Variants in CPED1 observed in about 807,000 individuals in gnomAD.
CPED1 encodes the protein cadherin-like and PC-esterase domain-containing protein 1.
A neutral mutation model predicts 128.2 loss-of-function variants in CPED1; 114 were observed. That is an observed-to-expected ratio of 0.89 (90% CI 0.76 to 1.04). The LOEUF (loss-of-function observed/expected upper bound fraction) is 1.04. Among genes scored for constraint, CPED1 ranks in the 50% least tolerant of loss-of-function variants. The pLI is 0.00. For missense variants in CPED1, 1,211 were observed against 1,207.1 expected, an observed-to-expected ratio of 1.00 and a Z score of -0.05; for synonymous variants, 462 against 426.7, an observed-to-expected ratio of 1.08 and a Z score of -1.02.
At chr7:121,146,111 A>C (rs1563044607) in intron 16 of CPED1, among the ~76,000 whole-genome samples, 1 of 152,084 alleles carries the variant, frequency 6.6e-6, no homozygotes. Flanking sequence ...AAAGAACAGA[A>C]ATGTATTTCC....
At chr7:121,255,604 G>A (rs1264667072) in intron 18 of CPED1, among the ~76,000 whole-genome samples, 1 of 151,686 alleles carries the variant, frequency 6.6e-6, no homozygotes, top group Non-Finnish European at 1.5e-5. Flanking sequence ...CATCAAAATA[G>A]GAAAAAAAGT....
At chr7:121,235,191 A>C (rs761643281) in intron 16 of CPED1, among the ~76,000 whole-genome samples, 1 of 152,148 alleles carries the variant, frequency 6.6e-6, no homozygotes, top group African/African-American at 2.4e-5. Flanking sequence ...TAGATATCAC[A>C]CACATACACG....
chr7:121,248,594 C>CAAAAA (rs36015608), intron 18 of CPED1, among the ~76,000 whole-genome samples: 14 of 118,446 alleles, frequency 1.2e-4, no homozygotes, highest in South Asian at 2.6e-4. Context: ...CCCTGTGAAA[C>CAAAAA]AAAAAAAAAA....
chr7:121,088,890 A>G (rs1355061022), intron 5 of CPED1, among the ~76,000 whole-genome samples: 2 of 151,638 alleles, frequency 1.3e-5, no homozygotes, highest in Non-Finnish European at 2.9e-5. Context: ...AATTAATTGG[A>G]TAATTCTTTA....
At chr7:121,122,054 C>T (rs1011783230) in intron 7 of CPED1, among the ~76,000 whole-genome samples, 10 of 151,584 alleles carry the variant, frequency 6.6e-5, no homozygotes, top group Non-Finnish European at 1.0e-4. Context: ...GAAGCACTCG[C>T]GTGATTCTAC....
chr7:121,064,395 G>A, intron 5 of CPED1, 82 bp downstream of exon 5: 5 of 891,624 alleles, frequency 5.6e-6, no homozygotes, highest in Non-Finnish European at 9.2e-6. Flanking sequence ...ATGGTCTCAG[G>A]TCAGCATCTG....
intron 3 of CPED1, among the ~76,000 whole-genome samples, chr7:121,028,730 A>G (rs566096681): frequency 6.6e-6 from 1 of 152,196 alleles, no homozygotes; most frequent in African/African-American, 2.4e-5. Flanking sequence ...CCATGTCTAA[A>G]TTGCTTAATT....
chr7:121,121,926 C>T (rs10280106), intron 7 of CPED1, among the ~76,000 whole-genome samples: 65,353 of 151,884 alleles, frequency 0.43, 15,570 homozygotes, highest in East Asian at 0.84. Context: ...GCAGTGTAAC[C>T]GGACACTCAA....
chr7:121,250,383 T>G (rs7804261), intron 18 of CPED1, among the ~76,000 whole-genome samples: 8 of 150,578 alleles, frequency 5.3e-5, no homozygotes, highest in Non-Finnish European at 1.2e-4. Context: ...AGATCTAAAA[T>G]TGACACCCTA....
chr7:121,041,510 A>G (rs1324515491), intron 3 of CPED1, among the ~76,000 whole-genome samples: 3 of 152,160 alleles, frequency 2.0e-5, no homozygotes, highest in Non-Finnish European at 4.4e-5. Flanking sequence ...CTTCCTTGAG[A>G]ATAAACAGCA....
At chr7:121,291,628 T>C (rs908269967) in intron 22 of CPED1, among the ~76,000 whole-genome samples, 1 of 152,222 alleles carries the variant, frequency 6.6e-6, no homozygotes, top group Non-Finnish European at 1.5e-5. Flanking sequence ...TAGGAATGCT[T>C]GTGATTTTTG....
At chr7:120,998,860 T>C (rs1232525922) in intron 2 of CPED1, among the ~76,000 whole-genome samples, 1 of 151,978 alleles carries the variant, frequency 6.6e-6, no homozygotes, top group East Asian at 1.9e-4. Flanking sequence ...AACAGCATGT[T>C]ATAGCTGGGG....
At position 121,044,648 on chromosome 7, in the gene CPED1, CTCTTTTTT is replaced by C. The variant is rs987414000; in HGVS notation, c.434-2237_434-2230del. Reference sequence around the variant, plus strand: ...GATTGCTGAGAGCAGTGACTTTCTGCTCTTTTTTTTTTTTTTTTTTTGCTATTTACTTT... The same window carrying C: ...GATTGCTGAGAGCAGTGACTTTCTGCTTTTTTTTTTTTTGCTATTTACTTT... On this transcript the variant is annotated intron_variant, in intron 3 of 22. Coordinates refer to ENST00000310396, the MANE Select transcript of CPED1 (RefSeq NM_024913.5). 8.6e-5 allele frequency among the ~76,000 whole-genome samples: 6 copies of C among 69,542 alleles called. 1 individual carries two copies. Among genetic ancestry groups the C allele is most frequent in the East Asian group, 9.7e-4 (2 of 2,064 alleles). The allele number at this position is 69,542 out of a possible 152,430, so 45.6% of individuals were successfully genotyped here.
At chr7:121,002,887 C>T (rs551548930) in intron 2 of CPED1, among the ~76,000 whole-genome samples, 73 of 152,212 alleles carry the variant, frequency 4.8e-4, no homozygotes, top group Admixed American at 1.6e-3. Context: ...ATAATGTGTA[C>T]GTAATCCTAA....
At chr7:121,040,581 T>C (rs541126931) in intron 3 of CPED1, among the ~76,000 whole-genome samples, 25 of 152,176 alleles carry the variant, frequency 1.6e-4, no homozygotes, top group Non-Finnish European at 2.8e-4. Flanking sequence ...CTCATGAACA[T>C]AATACTATGC....
intron 18 of CPED1, among the ~76,000 whole-genome samples, chr7:121,245,074 T>G (rs1371879055): frequency 6.6e-6 from 1 of 152,232 alleles, no homozygotes; most frequent in Non-Finnish European, 1.5e-5. Flanking sequence ...TTATACAGTT[T>G]GTAAGCTCTC....
At chr7:121,086,448 T>A (rs985826661) in intron 5 of CPED1, among the ~76,000 whole-genome samples, 2 of 152,150 alleles carry the variant, frequency 1.3e-5, no homozygotes, top group Non-Finnish European at 2.9e-5. Context: ...CATTTGTCGA[T>A]AAAAAGCCCT....
chr7:121,235,538 C>T (rs1798232782), intron 16 of CPED1, among the ~76,000 whole-genome samples: 1 of 152,100 alleles, frequency 6.6e-6, no homozygotes, highest in African/African-American at 2.4e-5. Flanking sequence ...CAGAGTTACA[C>T]AGCAAAGAAG....
chr7:121,275,920 C>T (rs928691942), intron 22 of CPED1, among the ~76,000 whole-genome samples: 1 of 147,104 alleles, frequency 6.8e-6, no homozygotes, highest in South Asian at 2.1e-4. Flanking sequence ...AAGAAAGAAA[C>T]TTTAAATTCA....
Sources: gnomAD v4.1 joint callset for allele counts (sites outside exome capture counted in the v4.1 genomes callset) on GRCh38, gnomAD v4.1.1 for gene constraint, MANE v1.5 for transcripts, NCBI Gene and HGNC (gene_info 2026-07-23, HGNC 2026-07-21) for gene names.